Variants in RRP8 observed in about 807,000 individuals in gnomAD.
The protein encoded by RRP8 is ribosomal RNA processing 8.
A neutral mutation model predicts 45.0 loss-of-function variants in RRP8; 48 were observed. The observed-to-expected ratio is 1.07, with a 90% CI of 0.85 to 1.36. The LOEUF is 1.36. Among genes scored for constraint, RRP8 ranks in the 40% most tolerant of loss-of-function variants. The pLI, the probability that RRP8 is intolerant of heterozygous loss-of-function variation, is 0.00. For synonymous variants in RRP8, 274 were observed against 212.4 expected (o/e 1.29, Z -2.52); for missense variants, 658 against 573.7 (o/e 1.15, Z -1.50).
At chr11:6,601,623 A>G (rs1564836134) in intron 2 of RRP8, 21 bp from the exon 3 acceptor site, 1 of 1,585,546 alleles carries the variant, frequency 6.3e-7, no homozygotes, top group Non-Finnish European at 8.5e-7. Flanking sequence ...GGAGATGGGA[A>G]GGTGCACATG....
chr11:6,603,186 T>C (rs925840699), intron 1 of RRP8, among the ~76,000 whole-genome samples: 1 of 152,198 alleles, frequency 6.6e-6, no homozygotes, highest in Non-Finnish European at 1.5e-5. Context: ...GTACGTACTT[T>C]TTCCTGTCTG....
rs1854510866 is a variant in RRP8 at position 6,603,459 on chromosome 11, G to A, written c.44C>T (p.Ala15Val). The change falls in exon 1 of 7, where the codon GCG (alanine) becomes GTG (valine). Residue 15 changes from alanine to valine, a missense_variant. Physicochemically the swap from Ala to Val is moderately conservative, Grantham distance 64. Transcript: ENST00000254605. ...TCGTGAGATTACGGGCCCAAGGCCC[G>A]CGGCTACTGGGGCCGCCTCGGCCCA... ...PEWAEAAPVA[A>V]GLGPVISRPP... The A allele has an allele frequency of 6.2e-7, 1 of 1,602,842 alleles. No individual in the cohort carries two copies. Among genetic ancestry groups the A allele is most frequent in the South Asian group, 1.1e-5 (1 of 89,140 alleles).
rs1854315151 is a variant in RRP8 at position 6,600,467 on chromosome 11, G to T, written c.1251+19C>A. ...GCCACATGAGACAAAAACAGGTACA[G>T]ATGTCTTGGGGCCCTCACCTTGGAG... is the stretch of plus-strand genomic sequence containing the variant. On this transcript the variant is annotated intron_variant, in intron 6 of 6. Coordinates refer to ENST00000254605, the MANE Select transcript of RRP8 (RefSeq NM_015324.4). 2 of 1,609,026 alleles carry T rather than the reference G, an allele frequency of 1.2e-6. No individual in the cohort carries two copies. Among genetic ancestry groups the T allele is most frequent in the East Asian group, 4.5e-5 (2 of 44,848 alleles).
Position 6,602,109 on chromosome 11 carries a change from T to C in RRP8, c.206A>G (p.Glu69Gly), listed in dbSNP as rs1564836862. 6.2e-7 allele frequency: 1 copy of C among 1,612,798 alleles called. No homozygotes were observed. The stretch of plus-strand genomic sequence containing the variant: ...TTTGGGGCATTTCTTCTTCCTTTCC[T>C]CCTCCTCCTCCTCAGAGTCACTTAT... Reference protein sequence around the residue: ...LCISDSEEEEEERKKKCPKKA... With the variant: ...LCISDSEEEEGERKKKCPKKA... The change falls in exon 2 of 7, where the codon GAG (glutamate) becomes GGG (glycine). Residue 69 changes from glutamate to glycine, a missense_variant. Coordinates refer to ENST00000254605, the MANE Select transcript of RRP8 (RefSeq NM_015324.4).
chr11:6,601,835 T>C lies in RRP8; in HGVS notation c.463+17A>G, dbSNP rs1320164138. The C allele has an allele frequency of 4.4e-6, 7 of 1,592,502 alleles. No homozygotes were observed. Among genetic ancestry groups the C allele is most frequent in the South Asian group, 1.1e-5 (1 of 88,916 alleles). The stretch of plus-strand genomic sequence containing the variant: ...ACACACACACCAACACACACACATA[T>C]ACACATCCAATGGTACCTGTTTGGT... On this transcript the variant is annotated intron_variant, in intron 2 of 6. Transcript: ENST00000254605.
rs1028121755 is a variant in RRP8, at chr11:6,597,046, C to A, written c.*3100G>T. The A allele has an allele frequency of 4.6e-5, 7 of 152,200 alleles. No individual in the cohort carries two copies. Among genetic ancestry groups the A allele is most frequent in the Non-Finnish European group, 8.8e-5 (6 of 68,036 alleles). The allele number at this position is 152,200 out of a possible 1,614,324, so 9.4% of individuals were successfully genotyped here. On this transcript the variant is annotated 3_prime_UTR_variant, in exon 7 of 7. Coordinates refer to ENST00000254605, the MANE Select transcript of RRP8 (RefSeq NM_015324.4). ...ATAGTCCTGTGATCAGTTTAAGGAA[C>A]AAACATAATCTCAATTAATTAGAAT...
intron 1 of RRP8, 158 bp from the exon 2 acceptor site, chr11:6,602,373 C>T (rs975037860): frequency 1.6e-5 from 13 of 794,048 alleles, no homozygotes; most frequent in Admixed American, 3.4e-5. Flanking sequence ...TGTCACCACC[C>T]CAACTTCTGG....
Position 6,600,673 on chromosome 11 carries a change from G to A in RRP8, c.1150C>T (p.Pro384Ser). The A allele has an allele frequency of 6.2e-7, 1 of 1,613,762 alleles. No individual in the cohort carries two copies. Among genetic ancestry groups the A allele is most frequent in the Non-Finnish European group, 8.5e-7 (1 of 1,179,718 alleles). The change falls in exon 5 of 7, where the codon CCA becomes TCA. Residue 384 changes from proline to serine, a missense_variant. Coordinates refer to ENST00000254605, the MANE Select transcript of RRP8 (RefSeq NM_015324.4). ...CTGTGTCCTGGGGGCTCTTACCCTG[G>A]CTTCAGTACTCTATTTGCCTCCTCT... is the stretch of plus-strand genomic sequence containing the variant. ...FLEEANRVLK[P>S]GGLLKVAEVS... is the part of the protein sequence containing the mutation.
In RRP8 at chr11:6,600,277, A is replaced by G; in HGVS notation, c.1252-12T>C. On this transcript the variant is annotated splice_polypyrimidine_tract_variant and intron_variant, in intron 6 of 6. Coordinates refer to ENST00000254605, the MANE Select transcript of RRP8 (RefSeq NM_015324.4). ...CTGTTGGTCAGGTCCTAGGGGCAGA[A>G]AAGACCCAGTGAGAACCAAATCCTC... is the stretch of plus-strand genomic sequence containing the variant. The G allele has an allele frequency of 6.4e-7, 1 of 1,555,648 alleles. No homozygotes were observed. Among genetic ancestry groups the G allele is most frequent in the Non-Finnish European group, 8.7e-7 (1 of 1,147,136 alleles).
intron 1 of RRP8, among the ~76,000 whole-genome samples, chr11:6,602,755 A>G (rs1854455046): frequency 1.3e-5 from 2 of 152,244 alleles, no homozygotes; most frequent in Non-Finnish European, 2.9e-5. Context: ...TGTTGGAGGC[A>G]GACTGAAGGG....
In RRP8 at chr11:6,600,468, A is replaced by G. The variant is rs1443871857; in HGVS notation, c.1251+18T>C. On this transcript the variant is annotated intron_variant, in intron 6 of 6. Coordinates refer to ENST00000254605, the MANE Select transcript of RRP8 (RefSeq NM_015324.4). Reference sequence around the variant, plus strand: ...CCACATGAGACAAAAACAGGTACAGATGTCTTGGGGCCCTCACCTTGGAGA... The same window carrying G: ...CCACATGAGACAAAAACAGGTACAGGTGTCTTGGGGCCCTCACCTTGGAGA... 5 of 1,609,952 alleles carry G rather than the reference A, an allele frequency of 3.1e-6. No individual in the cohort carries two copies. Among genetic ancestry groups the G allele is most frequent in the South Asian group, 1.1e-5 (1 of 90,844 alleles).
Position 6,595,362 on chromosome 11 carries a change from A to G in RRP8, c.*4784T>C, listed in dbSNP as rs941781435. ...ACCCTTGAAACGAAGCCAAAAAGAT[A>G]GGGGCTGTGGCAATTAAGGAGACTT... On this transcript the variant is annotated 3_prime_UTR_variant, in exon 7 of 7. Transcript: ENST00000254605. 3.3e-5 allele frequency: 5 copies of G among 152,208 alleles called. No individual in the cohort carries two copies. Among genetic ancestry groups the G allele is most frequent in the African/African-American group, 1.2e-4 (5 of 41,452 alleles). The allele number at this position is 152,208 out of a possible 1,614,324, so 9.4% of individuals were successfully genotyped here.
intron 4 of RRP8, 71 bp downstream of exon 4, chr11:6,600,855 G>A (rs1297357372): frequency 6.2e-7 from 1 of 1,611,618 alleles, no homozygotes; most frequent in Non-Finnish European, 8.5e-7. Context: ...ATGGGAAAGG[G>A]GAAGGAAGGG....
At position 6,601,893 on chromosome 11, in the gene RRP8, G is replaced by A; in HGVS notation, c.422C>T (p.Pro141Leu). The change falls in exon 2 of 7, where the codon CCT becomes CTT. Residue 141 changes from proline to leucine, a missense_variant. Pro to Leu is a moderately conservative substitution (Grantham distance 98). Transcript: ENST00000254605. ...GTCCAGGTGCTGGGCTGAATTTATA[G>A]GGGCATGTTTCTGGCATTTCCTCTT... ...KRKRKCQKHA[P>L]INSAQHLDNV... 1 of 1,613,902 alleles carries A rather than the reference G, an allele frequency of 6.2e-7. No homozygotes were observed. The highest frequency in any genetic ancestry group is 1.7e-5 in the Admixed American group (1 of 59,992).
rs368743088 is a variant in RRP8, at chr11:6,601,062, G to C, written c.918-7C>G. 6.2e-7 allele frequency: 1 copy of C among 1,614,238 alleles called. No individual in the cohort carries two copies. Among genetic ancestry groups the C allele is most frequent in the Non-Finnish European group, 8.5e-7 (1 of 1,180,052 alleles). ...CACCACTAGGGATGCAGGCCTGAGA[G>C]TGGAAGGCAAGGGTCACATATTGGT... On this transcript the variant is annotated splice_region_variant and splice_polypyrimidine_tract_variant and intron_variant, in intron 3 of 6. Coordinates refer to ENST00000254605, the MANE Select transcript of RRP8 (RefSeq NM_015324.4).
intron 2 of RRP8, 59 bp downstream of exon 2, chr11:6,601,793 C>T: frequency 2.6e-6 from 4 of 1,518,908 alleles, no homozygotes; most frequent in Non-Finnish European, 3.5e-6. Context: ...GTATGTAGAA[C>T]CAGCTGACCC....
chr11:6,602,202 C>A lies in RRP8; in HGVS notation c.113G>T (p.Arg38Leu). 6.4e-7 allele frequency: 1 copy of A among 1,559,114 alleles called. No individual in the cohort carries two copies. The highest frequency in any genetic ancestry group is 1.4e-5 in the African/African-American group (1 of 72,888). Residue 38 changes from arginine (R) to leucine (L), a missense_variant, in exon 2 of 7, where the codon CGC (arginine) becomes CTC (leucine). Coordinates refer to ENST00000254605, the MANE Select transcript of RRP8 (RefSeq NM_015324.4). ...GGCCCGTAATGTGGCCAAGAGCTGG[C>A]GGCGCTTGGAGCCCTGGAGGAAAAC... ...ASSQNKGSKR[R>L]QLLATLRALE...
In RRP8 at chr11:6,602,127, T is replaced by C; in HGVS notation, c.188A>G (p.Asp63Gly). 2 of 1,612,178 alleles carry C rather than the reference T, an allele frequency of 1.2e-6. No homozygotes were observed. The highest frequency in any genetic ancestry group is 1.7e-6 in the Non-Finnish European group (2 of 1,178,844). The stretch of plus-strand genomic sequence containing the variant: ...CCTTTCCTCCTCCTCCTCCTCAGAG[T>C]CACTTATACATAGGCTGGGGGGATG... ...SQHPPSLCIS[D>G]SEEEEEERKK... Residue 63 changes from aspartate to glycine, a missense_variant, in exon 2 of 7, where the codon GAC (aspartate) becomes GGC (glycine). By Grantham distance (94) the Asp-to-Gly change is moderately conservative (BLOSUM62 -1). Coordinates refer to ENST00000254605, the MANE Select transcript of RRP8 (RefSeq NM_015324.4).
Position 6,600,475 on chromosome 11 carries a change from G to T in RRP8, c.1251+11C>A. On this transcript the variant is annotated intron_variant, in intron 6 of 6. Coordinates refer to ENST00000254605, the MANE Select transcript of RRP8 (RefSeq NM_015324.4). ...AGACAAAAACAGGTACAGATGTCTT[G>T]GGGCCCTCACCTTGGAGACAATCTT... 2 of 1,611,838 alleles carry T rather than the reference G, an allele frequency of 1.2e-6. No homozygotes were observed. The highest frequency in any genetic ancestry group is 8.5e-7 in the Non-Finnish European group (1 of 1,178,870).
Sources: gnomAD v4.1 joint callset for allele counts (sites outside exome capture counted in the v4.1 genomes callset) on GRCh38, gnomAD v4.1.1 for gene constraint, MANE v1.5 for transcripts, NCBI Gene and HGNC (gene_info 2026-07-23, HGNC 2026-07-21) for gene names.